Variants in MRPS28 observed in about 807,000 individuals in gnomAD.
MRPS28 encodes the protein mitochondrial ribosomal protein S28, also known as small ribosomal subunit protein bS1m.
Under a neutral mutation model 10.8 loss-of-function variants are expected in MRPS28, and 7 were observed. The observed-to-expected ratio is 0.65, with a 90% CI of 0.37 to 1.22. The LOEUF is 1.22. Ranked by LOEUF, MRPS28 falls within the 50% of genes most tolerant of loss-of-function variation. The pLI is 0.02. For synonymous variants in MRPS28, 121 were observed against 93.3 expected (o/e 1.30, Z -1.71); for missense variants, 265 against 232.9 (o/e 1.14, Z -0.90).
chr8:79,920,639 G>T (rs1021655613), intron 2 of MRPS28, among the ~76,000 whole-genome samples: 1 of 152,082 alleles, frequency 6.6e-6, no homozygotes, highest in Non-Finnish European at 1.5e-5. Flanking sequence ...TGATGGGGTT[G>T]TTTTTTTCTT....
chr8:79,931,561 C>CGGTA (rs1258373088), intron 2 of MRPS28, among the ~76,000 whole-genome samples: 1 of 152,098 alleles, frequency 6.6e-6, no homozygotes, highest in Non-Finnish European at 1.5e-5. Flanking sequence ...CAATCATTAC[C>CGGTA]GTAAAAGAGG....
At chr8:79,932,031 G>T (rs1422189154) in intron 2 of MRPS28, among the ~76,000 whole-genome samples, 1 of 152,208 alleles carries the variant, frequency 6.6e-6, no homozygotes, top group Non-Finnish European at 1.5e-5. Flanking sequence ...GGCCCTGCAG[G>T]AGTACTTGCC....
At position 79,967,109 on chromosome 8, in the gene MRPS28, T is replaced by C. The variant is rs1807523294; in HGVS notation, c.395+35890A>G. Among the ~76,000 whole-genome samples, 4 of 152,142 alleles carry C rather than the reference T, an allele frequency of 2.6e-5. No homozygotes were observed. The South Asian group carries it at 8.3e-4, about 31-fold the overall frequency. The stretch of plus-strand genomic sequence containing the variant: ...GCTAACAACATATCCTAGTAGCATA[T>C]CTTTTGACAACAGGCAAGAAAGAGA... On this transcript the variant is annotated intron_variant, in intron 2 of 2. Transcript: ENST00000276585.
At chr8:80,002,911 C>T (rs1008946135) in intron 2 of MRPS28, 88 bp downstream of exon 2, 27 of 1,142,402 alleles carry the variant, frequency 2.4e-5, no homozygotes, top group Non-Finnish European at 3.0e-5. Flanking sequence ...TCTGTCTTTT[C>T]AAAAAATCAC....
intron 2 of MRPS28, among the ~76,000 whole-genome samples, 200 bp from the exon 3 acceptor site, chr8:79,919,348 T>C (rs1231996283): frequency 1.0e-5 from 1 of 96,458 alleles, no homozygotes; most frequent in Admixed American, 1.1e-4. Flanking sequence ...ACTTTTTGTT[T>C]TGAAAAAAAA....
At chr8:79,919,937 T>TCCCCCCC (rs372831451) in intron 2 of MRPS28, among the ~76,000 whole-genome samples, 15 of 102,226 alleles carry the variant, frequency 1.5e-4, no homozygotes, top group East Asian at 3.4e-4. Flanking sequence ...CCTAATGCTA[T>TCCCCCCC]CCCTCCCCCC....
intron 2 of MRPS28, among the ~76,000 whole-genome samples, chr8:79,938,005 C>T (rs1422512323): frequency 6.6e-6 from 1 of 152,128 alleles, no homozygotes. Flanking sequence ...CTGATTAATT[C>T]ATCTTTTTTG....
At position 79,930,541 on chromosome 8, in the gene MRPS28, C is replaced by T. The variant is rs530489729; in HGVS notation, c.396-11393G>A. 5.3e-5 allele frequency among the ~76,000 whole-genome samples: 8 copies of T among 152,298 alleles called. No individual in the cohort carries two copies. The South Asian group carries it at 1.7e-3, about 32-fold the overall frequency. On this transcript the variant is annotated intron_variant, in intron 2 of 2. Transcript: ENST00000276585. ...GTCTTTGGACAAGTCTGCATTCCAC[C>T]ACCTGCCATATGTGCTCCTTAACCT...
rs542687012 is a variant in MRPS28 at position 80,016,349 on chromosome 8, TCTC to T, written c.214-13172_214-13170del. Among the ~76,000 whole-genome samples, 19 of 151,858 alleles carry T rather than the reference TCTC, an allele frequency of 1.3e-4. No individual in the cohort carries two copies. In the East Asian group the frequency reaches 2.7e-3, roughly 22 times the overall value. On this transcript the variant is annotated intron_variant, in intron 1 of 2. Transcript: ENST00000276585. ...GAAAAGATAAAAATTATATCCAGCT[TCTC>T]CTCATAAATCATGCAATCAAGAAAA... is the stretch of plus-strand genomic sequence containing the variant.
chr8:80,005,153 T>C (rs554421138), intron 1 of MRPS28, among the ~76,000 whole-genome samples: 6 of 152,122 alleles, frequency 3.9e-5, no homozygotes, highest in Middle Eastern at 3.4e-3. Flanking sequence ...AAGATACTCC[T>C]CGAGAAGAGC....
At chr8:79,982,416 G>C (rs141628203) in intron 2 of MRPS28, among the ~76,000 whole-genome samples, 2,629 of 152,320 alleles carry the variant, frequency 0.017, 76 homozygotes, top group African/African-American at 0.058. Context: ...GTGGGCGCAG[G>C]ACAGTGGTTG....
intron 2 of MRPS28, among the ~76,000 whole-genome samples, chr8:79,999,117 T>G (rs551970851): frequency 6.6e-6 from 1 of 152,206 alleles, no homozygotes; most frequent in Non-Finnish European, 1.5e-5. Flanking sequence ...TTTCTCTTAT[T>G]TATAACAATT....
intron 2 of MRPS28, among the ~76,000 whole-genome samples, chr8:79,973,382 C>A (rs900999303): frequency 6.6e-6 from 1 of 152,110 alleles, no homozygotes; most frequent in Non-Finnish European, 1.5e-5. Context: ...ACACCATACC[C>A]TCAGCCACGA....
intron 2 of MRPS28, among the ~76,000 whole-genome samples, chr8:79,938,093 G>A (rs66822196): frequency 0.034 from 5,222 of 152,232 alleles, 121 homozygotes; most frequent in Non-Finnish European, 0.053. Flanking sequence ...AACTCAGTAT[G>A]TGAAGACCTG....
intron 2 of MRPS28, among the ~76,000 whole-genome samples, chr8:79,919,661 A>G (rs148834081): frequency 3.7e-4 from 56 of 152,290 alleles, no homozygotes; most frequent in African/African-American, 1.2e-3. Flanking sequence ...GTTGCCTTTA[A>G]AGATTTTAAA....
rs546343233 is a variant in MRPS28 at position 80,016,527 on chromosome 8, T to C, written c.214-13347A>G. 1.8e-3 allele frequency among the ~76,000 whole-genome samples: 278 copies of C among 152,170 alleles called. 4 individuals are homozygous for C. Among genetic ancestry groups the C allele is most frequent in the African/African-American group, 6.3e-3 (260 of 41,550 alleles). ...AAAAATTGAGGGAATTTGTTGCAAG[T>C]AGACCTGCCTTGCAAGAAATGTTTA... On this transcript the variant is annotated intron_variant, in intron 1 of 2. Coordinates refer to ENST00000276585, the MANE Select transcript of MRPS28 (RefSeq NM_014018.3).
intron 1 of MRPS28, among the ~76,000 whole-genome samples, chr8:80,025,644 T>A (rs1410649610): frequency 6.6e-6 from 1 of 152,218 alleles, no homozygotes; most frequent in African/African-American, 2.4e-5. Flanking sequence ...AACTGCAATT[T>A]TCAGCAGCAG....
chr8:80,030,138 A>G lies in MRPS28; in HGVS notation c.111T>C (p.Ser37=). 1 of 1,612,454 alleles carries G rather than the reference A, an allele frequency of 6.2e-7. No homozygotes were observed. Among genetic ancestry groups the G allele is most frequent in the Non-Finnish European group, 8.5e-7 (1 of 1,180,010 alleles). ...TAGGCTCCTTGGCATTGGAACTACC[A>G]CTTTCGGATCCACTCTCAGTGCCTA... ...RGVGTESGSE[S]GSSNAKEPKT... is the part of the protein sequence containing the mutation. Residue 37 remains serine (S), a synonymous_variant, in exon 1 of 3, where the codon AGT becomes AGC. Transcript: ENST00000276585.
chr8:79,986,478 T>A (rs1808179103), intron 2 of MRPS28, among the ~76,000 whole-genome samples: 1 of 152,160 alleles, frequency 6.6e-6, no homozygotes, highest in Non-Finnish European at 1.5e-5. Context: ...AAAGAGGAAG[T>A]CAACTTGTCC....
Sources: gnomAD v4.1 joint callset for allele counts (sites outside exome capture counted in the v4.1 genomes callset) on GRCh38, gnomAD v4.1.1 for gene constraint, MANE v1.5 for transcripts, NCBI Gene and HGNC (gene_info 2026-07-23, HGNC 2026-07-21) for gene names.